MCRS1: variants seen among roughly 807,000 people sequenced by gnomAD.
The protein encoded by MCRS1 is microspherule protein 1.
In MCRS1, 22 loss-of-function variants were observed where a neutral mutation model predicts 62.9. The ratio of observed to expected loss-of-function variants is 0.35; its 90% confidence interval spans 0.25 to 0.50. The LOEUF (loss-of-function observed/expected upper bound fraction) is 0.50. Ranked by LOEUF, MCRS1 falls within the 20% of genes least tolerant of loss-of-function variation. The pLI, the probability that MCRS1 is intolerant of heterozygous loss-of-function variation, is 0.98. For missense variants in MCRS1, 456 were observed against 601.1 expected, an observed-to-expected ratio of 0.76 and a Z score of 2.52; for synonymous variants, 244 against 233.5, an observed-to-expected ratio of 1.04 and a Z score of -0.41.
chr12:49,559,538 G>A lies in MCRS1; in HGVS notation c.1004-3C>T, dbSNP rs1370536256. ...GTCGAAGTCCGGAGAGCTCATGCCT[G>A]GGAGAAGAGGGAGTTTGGAAGAGCC... On this transcript the variant is annotated splice_region_variant and splice_polypyrimidine_tract_variant and intron_variant, in intron 11 of 14. Coordinates refer to ENST00000343810, the MANE Select transcript of MCRS1 (RefSeq NM_006337.5). This position sits in a 1 kb window ranked among gnomAD's most constrained non-coding sequence, Gnocchi z 5.2. The A allele has an allele frequency of 1.9e-6, 3 of 1,609,000 alleles. No individual in the cohort carries two copies. The highest frequency in any genetic ancestry group is 2.7e-5 in the African/African-American group (2 of 75,040).
At chr12:49,564,975 T>C in intron 4 of MCRS1, 80 bp from the exon 5 acceptor site, 1 of 1,487,786 alleles carries the variant, frequency 6.7e-7, no homozygotes, top group Non-Finnish European at 9.0e-7. Context: ...TTTCACATAC[T>C]CTGTGGCAGC....
chr12:49,558,927 A>G lies in MCRS1; in HGVS notation c.1218T>C (p.Asn406=). ...CGATGTAGATGGGCCGTCGACCCTC[A>G]TTGGCAATGAAGAAATCACCGTTGT... ...LKNNGDFFIA[N]EGRRPIYIDG... Residue 406 remains asparagine (N), a synonymous_variant, in exon 14 of 15, where the codon AAT becomes AAC. Coordinates refer to ENST00000343810, the MANE Select transcript of MCRS1 (RefSeq NM_006337.5). 1.2e-6 allele frequency: 2 copies of G among 1,612,718 alleles called. No individual in the cohort carries two copies. Among genetic ancestry groups the G allele is most frequent in the Non-Finnish European group, 1.7e-6 (2 of 1,179,982 alleles).
chr12:49,562,240 T>C (rs1472609452), intron 8 of MCRS1, among the ~76,000 whole-genome samples: 1 of 152,272 alleles, frequency 6.6e-6, no homozygotes, highest in African/African-American at 2.4e-5. Flanking sequence ...TGAAAAACTA[T>C]GTAGACGGCA....
intron 9 of MCRS1, among the ~76,000 whole-genome samples, 159 bp from the exon 10 acceptor site, chr12:49,560,126 G>C (rs1307115846): frequency 5.3e-4 from 80 of 152,340 alleles, no homozygotes; most frequent in Non-Finnish European, 4.4e-5. Flanking sequence ...TGGGGATAAG[G>C]GTAAAGCAGC....
chr12:49,567,686 A>G (rs1234811206), intron 1 of MCRS1: 1 of 152,180 alleles, frequency 6.6e-6, no homozygotes, highest in African/African-American at 2.4e-5. Context: ...GTGCACACCC[A>G]AGGTAGGGGA....
intron 2 of MCRS1, 194 bp from the exon 3 acceptor site, chr12:49,566,409 G>T: frequency 1.9e-6 from 3 of 1,577,110 alleles, no homozygotes; most frequent in East Asian, 2.3e-5. Flanking sequence ...GACCTTCCAC[G>T]CTGGGCAGTT....
intron 1 of MCRS1, among the ~76,000 whole-genome samples, chr12:49,567,287 T>C (rs1334500538): frequency 6.6e-6 from 1 of 151,612 alleles, no homozygotes; most frequent in Middle Eastern, 3.4e-3. Context: ...TCCATCTCGT[T>C]TTTTTTTTGT....
Position 49,559,484 on chromosome 12 carries a change from C to T in MCRS1, c.1055G>A (p.Arg352His), listed in dbSNP as rs774037141. Reference sequence around the variant, plus strand: ...CGAGCGCATCAGGTACCGCACCATGCGGCCCCGCAGCACTGCCAGTGTCTG... The same window carrying T: ...CGAGCGCATCAGGTACCGCACCATGTGGCCCCGCAGCACTGCCAGTGTCTG... ...DNQTLAVLRG[R>H]MVRYLMRSRE... The change falls in exon 12 of 15, where the codon CGC (arginine) becomes CAC (histidine). Residue 352 changes from arginine to histidine, a missense_variant. Physicochemically the swap from Arg to His is conservative, Grantham distance 29 (BLOSUM62 0). Around this residue, in one of 3 missense-constraint regions of MCRS1, gnomAD observed 393 missense variants for 523.5 expected, o/e 0.75. Transcript: ENST00000343810. This position sits in a 1 kb window ranked among gnomAD's most constrained non-coding sequence, Gnocchi z 5.2. 1.9e-6 allele frequency: 3 copies of T among 1,613,084 alleles called. No individual in the cohort carries two copies. Among genetic ancestry groups the T allele is most frequent in the Non-Finnish European group, 2.5e-6 (3 of 1,180,040 alleles).
intron 1 of MCRS1, 32 bp from the exon 2 acceptor site, chr12:49,566,873 CAG>C: frequency 5.1e-6 from 6 of 1,168,580 alleles, no homozygotes; most frequent in Non-Finnish European, 7.4e-6. Flanking sequence ...CCCTGAGGCT[CAG>C]ATTTCCAACT....
At chr12:49,560,469 G>T in intron 8 of MCRS1, 99 bp from the exon 9 acceptor site, 1 of 1,086,590 alleles carries the variant, frequency 9.2e-7, no homozygotes, top group Non-Finnish European at 1.4e-6. Context: ...GACTGCGCTG[G>T]GTGGAGAGCC....
intron 6 of MCRS1, 140 bp downstream of exon 6, chr12:49,564,341 C>T (rs1180866940): frequency 6.1e-6 from 4 of 652,988 alleles, no homozygotes; most frequent in Admixed American, 5.9e-5. Context: ...GCCTCTCAGG[C>T]CTCAGTATCA....
chr12:49,567,847 A>T (rs1021428913), intron 1 of MCRS1: 3 of 152,204 alleles, frequency 2.0e-5, no homozygotes, highest in Non-Finnish European at 4.4e-5. Context: ...TTCTCACCCC[A>T]CGGTCTCCAT....
At chr12:49,560,083 G>T in intron 9 of MCRS1, 116 bp from the exon 10 acceptor site, 1 of 1,422,996 alleles carries the variant, frequency 7.0e-7, no homozygotes, top group Non-Finnish European at 9.9e-7. Flanking sequence ...GGTACATCAG[G>T]CCTTGGCCCA....
In MCRS1 at chr12:49,564,865, G is replaced by C. The variant is rs1379679382; in HGVS notation, c.319C>G (p.Pro107Ala). Reference protein sequence around the residue: ...VSKAPSTPVPPSPAPAPGLTK... With the variant: ...VSKAPSTPVPASPAPAPGLTK... The stretch of plus-strand genomic sequence containing the variant: ...AGTCCAGGGGCTGGGGCTGGGCTGG[G>C]TGGCACAGGAGTGCTGGGGGCTTTG... Residue 107 changes from proline to alanine, a missense_variant, in exon 5 of 15, where the codon CCC becomes GCC. By Grantham distance (27) the Pro-to-Ala change is conservative. This residue lies in a region of MCRS1 where 393 missense variants were observed against 523.5 expected (regional missense o/e 0.75). Transcript: ENST00000343810. The C allele has an allele frequency of 3.1e-6, 5 of 1,611,762 alleles. No individual in the cohort carries two copies. Among genetic ancestry groups the C allele is most frequent in the African/African-American group, 1.3e-5 (1 of 74,842 alleles).
Position 49,563,476 on chromosome 12 carries a change from T to C in MCRS1, c.628A>G (p.Ser210Gly). 2 of 1,612,960 alleles carry C rather than the reference T, an allele frequency of 1.2e-6. No homozygotes were observed. The highest frequency in any genetic ancestry group is 1.7e-6 in the Non-Finnish European group (2 of 1,179,650). The change falls in exon 7 of 15, where the codon AGC becomes GGC. Residue 210 changes from serine (S) to glycine (G), a missense_variant. By Grantham distance (56) the Ser-to-Gly change is moderately conservative (BLOSUM62 0). This residue lies in a region of MCRS1 where 393 missense variants were observed against 523.5 expected (regional missense o/e 0.75). Transcript: ENST00000343810. ...IAAIQSKALF[S>G]KAEEQLLSKV... The stretch of plus-strand genomic sequence containing the variant: ...CTCAGCAGCTGCTCCTCAGCCTTGC[T>C]AAACAGGGCCTTGCTCTGGATGGCT...
In MCRS1 at chr12:49,562,933, G is replaced by A. The variant is rs920148168; in HGVS notation, c.805+68C>T. On this transcript the variant is annotated intron_variant, in intron 8 of 14. Coordinates refer to ENST00000343810, the MANE Select transcript of MCRS1 (RefSeq NM_006337.5). ...CAGGGCACTTGAAGGCAGCTGTGTCGAGTACTTCAGACACACACACACATG... is the reference window on the plus strand; with the variant it reads ...CAGGGCACTTGAAGGCAGCTGTGTCAAGTACTTCAGACACACACACACATG... The A allele has an allele frequency of 2.4e-5, 36 of 1,509,240 alleles. No homozygotes were observed. In the East Asian group the frequency reaches 2.8e-4, roughly 12 times the overall value. The allele number at this position is 1,509,240 out of a possible 1,614,324, so 93.5% of individuals were successfully genotyped here.
intron 3 of MCRS1, 133 bp from the exon 4 acceptor site, chr12:49,565,800 G>T: frequency 7.6e-7 from 1 of 1,319,306 alleles, no homozygotes; most frequent in Non-Finnish European, 1.1e-6. Flanking sequence ...TTACGCCACA[G>T]CCTGGTTGTG....
In MCRS1 at chr12:49,559,907, A is replaced by T; in HGVS notation, c.910+32T>A. 6.2e-7 allele frequency: 1 copy of T among 1,614,074 alleles called. No homozygotes were observed. On this transcript the variant is annotated intron_variant, in intron 10 of 14. Coordinates refer to ENST00000343810, the MANE Select transcript of MCRS1 (RefSeq NM_006337.5). This position sits in a 1 kb window ranked among gnomAD's most constrained non-coding sequence, Gnocchi z 5.2. ...CCTCTTGATTCTGGCAGGAGCTTCCATCCCCTCACCACCCCATGAGGCCAT... is the reference window on the plus strand; with the variant it reads ...CCTCTTGATTCTGGCAGGAGCTTCCTTCCCCTCACCACCCCATGAGGCCAT...
rs1353830932 is a variant in MCRS1, at chr12:49,563,145, G to A, written c.667-6C>T. The stretch of plus-strand genomic sequence containing the variant: ...TCCAAGGTGGGCTGGCTGGTCTAGA[G>A]GGCAAGAAACATTCTCTAGGCATCT... On this transcript the variant is annotated splice_region_variant and splice_polypyrimidine_tract_variant and intron_variant, in intron 7 of 14. Transcript: ENST00000343810. 6.4e-7 allele frequency: 1 copy of A among 1,557,102 alleles called. No individual in the cohort carries two copies. Among genetic ancestry groups the A allele is most frequent in the Non-Finnish European group, 8.7e-7 (1 of 1,149,644 alleles).
Sources: allele counts gnomAD v4.1 joint callset (sites outside exome capture counted in the v4.1 genomes callset), GRCh38; gene constraint gnomAD v4.1.1; regional missense constraint gnomAD v4.1.1; non-coding constraint Gnocchi (gnomAD v3.1); transcripts MANE v1.5; gene names NCBI Gene and HGNC (gene_info 2026-07-23, HGNC 2026-07-21).